The following CHD9 variants were observed in gnomAD, a reference collection of about 807,000 sequenced individuals.
The protein encoded by CHD9 is chromodomain helicase DNA binding protein 9.
A neutral mutation model predicts 316.1 loss-of-function variants in CHD9; 77 were observed. That is an observed-to-expected ratio of 0.24 (90% CI 0.20 to 0.29). The LOEUF (loss-of-function observed/expected upper bound fraction) is 0.29. Among genes scored for constraint, CHD9 ranks in the 10% least tolerant of loss-of-function variants. The pLI is 1.00. For missense variants in CHD9, 2,763 were observed against 3,438.1 expected (o/e 0.80, Z 4.91); for synonymous variants, 1,129 against 1,158.3 (o/e 0.97, Z 0.51).
intron 1 of CHD9, among the ~76,000 whole-genome samples, chr16:53,098,871 C>T (rs1005312671): frequency 6.6e-6 from 1 of 152,198 alleles, no homozygotes; most frequent in Non-Finnish European, 1.5e-5. Context: ...CAAGAACCGT[C>T]GCTCCTAGTC....
chr16:53,277,483 A>G (rs2052964221), intron 24 of CHD9, among the ~76,000 whole-genome samples: 3 of 152,156 alleles, frequency 2.0e-5, no homozygotes, highest in Admixed American at 2.0e-4. Context: ...ACATAAACAG[A>G]ATTAAAAACA....
chr16:53,198,119 G>A lies in CHD9; in HGVS notation c.1453-11363G>A, dbSNP rs142192951. On this transcript the variant is annotated intron_variant, in intron 2 of 38. Transcript: ENST00000447540. ...TTTCCATCTTTAGAGCCTTCCAAAA[G>A]CAATATGAACAGAGTGTTTGGGAGG... is the stretch of plus-strand genomic sequence containing the variant. Among the ~76,000 whole-genome samples, 38 of 152,068 alleles carry A rather than the reference G, an allele frequency of 2.5e-4. No homozygotes were observed. The East Asian group carries it at 7.2e-3, about 29-fold the overall frequency.
At chr16:53,155,843 C>T (rs1207389466) in intron 1 of CHD9, 83 bp from the exon 2 acceptor site, 5 of 444,606 alleles carry the variant, frequency 1.1e-5, no homozygotes, top group Non-Finnish European at 2.0e-5. Context: ...TTTCACTTAG[C>T]ATAATGTTTT....
intron 29 of CHD9, among the ~76,000 whole-genome samples, chr16:53,295,371 T>A (rs923792193): frequency 2.0e-5 from 3 of 152,174 alleles, no homozygotes. Flanking sequence ...AAGTGGTCCG[T>A]CTGCCTCAGC....
At chr16:53,269,246 G>T (rs924249763) in intron 22 of CHD9, among the ~76,000 whole-genome samples, 2 of 151,788 alleles carry the variant, frequency 1.3e-5, no homozygotes, top group South Asian at 4.1e-4. Context: ...TTATTTTATA[G>T]CATAAAATAA....
intron 3 of CHD9, among the ~76,000 whole-genome samples, chr16:53,217,768 A>T (rs575026330): frequency 1.3e-5 from 2 of 151,504 alleles, no homozygotes; most frequent in African/African-American, 2.4e-5. Flanking sequence ...CATTTTATTT[A>T]AAAAAAAATT....
chr16:53,168,154 C>T (rs142242443), intron 2 of CHD9, among the ~76,000 whole-genome samples: 437 of 152,076 alleles, frequency 2.9e-3, no homozygotes, highest in Non-Finnish European at 4.9e-3. Context: ...CTCCGCCTCC[C>T]GGGTTCGAAC....
intron 1 of CHD9, among the ~76,000 whole-genome samples, chr16:53,143,428 C>T (rs929798328): frequency 6.0e-5 from 9 of 150,236 alleles, no homozygotes; most frequent in Non-Finnish European, 7.4e-5. Flanking sequence ...CGCTCTGTCG[C>T]CCAGGCTGGA....
At position 53,317,177 on chromosome 16, in the gene CHD9, A is replaced by G. The variant is rs568637895; in HGVS notation, c.7585-1035A>G. On this transcript the variant is annotated intron_variant, in intron 36 of 38. Coordinates refer to ENST00000447540, the MANE Select transcript of CHD9 (RefSeq NM_001308319.2). ...AAACTCCATCTCAAAAAAAAAAAAAAAAAAGAAAAGAGGATAGGACTGTAA... is the reference window on the plus strand; with the variant it reads ...AAACTCCATCTCAAAAAAAAAAAAAGAAAAGAAAAGAGGATAGGACTGTAA... 2.5e-4 allele frequency among the ~76,000 whole-genome samples: 38 copies of G among 151,806 alleles called. 1 individual carries two copies. The South Asian group carries it at 5.9e-3, about 23-fold the overall frequency.
chr16:53,228,616 C>T (rs8063621), intron 7 of CHD9, among the ~76,000 whole-genome samples: 4,822 of 147,660 alleles, frequency 0.033, 97 homozygotes, highest in Middle Eastern at 0.07. Flanking sequence ...GGCGCAATCT[C>T]GGCTCACTGC....
intron 2 of CHD9, among the ~76,000 whole-genome samples, chr16:53,175,634 T>C (rs1410932762): frequency 6.6e-6 from 1 of 152,210 alleles, no homozygotes; most frequent in Non-Finnish European, 1.5e-5. Context: ...TAAGCATCTT[T>C]ATAGATACAT....
chr16:53,293,654 ATGAAT>A (rs1436392218), intron 29 of CHD9, among the ~76,000 whole-genome samples: 1 of 151,846 alleles, frequency 6.6e-6, no homozygotes, highest in Non-Finnish European at 1.5e-5. Context: ...GAGCAAACTC[ATGAAT>A]TGAATCACTG....
rs371001611 is a variant in CHD9 at position 53,197,050 on chromosome 16, T to C, written c.1453-12432T>C. ...CCATTCCACTCCTTTCACTCCCAAC[T>C]AAGTGTTGAGATGGATTACTGTGAT... On this transcript the variant is annotated intron_variant, in intron 2 of 38. Transcript: ENST00000447540. Among the ~76,000 whole-genome samples, 434 of 152,262 alleles carry C rather than the reference T, an allele frequency of 2.9e-3. 1 individual carries two copies. The highest frequency in any genetic ancestry group is 4.5e-3 in the Non-Finnish European group (308 of 68,014).
At chr16:53,323,986 G>C in intron 38 of CHD9, 34 bp from the exon 39 acceptor site, 1 of 1,510,364 alleles carries the variant, frequency 6.6e-7, no homozygotes, top group Non-Finnish European at 9.0e-7. Context: ...TTATTTTCAT[G>C]TAGGGATTAT....
intron 3 of CHD9, among the ~76,000 whole-genome samples, chr16:53,213,620 A>G (rs899108268): frequency 6.6e-6 from 1 of 152,224 alleles, no homozygotes; most frequent in Non-Finnish European, 1.5e-5. Context: ...GATGAATTTT[A>G]CTGATTTATT....
intron 2 of CHD9, among the ~76,000 whole-genome samples, chr16:53,209,140 G>T (rs1013886303): frequency 3.4e-4 from 51 of 152,074 alleles, no homozygotes; most frequent in African/African-American, 1.2e-3. Flanking sequence ...GAAGAGGAAA[G>T]AAAAGACTTT....
At chr16:53,320,412 C>T (rs544795690) in intron 37 of CHD9, among the ~76,000 whole-genome samples, 152 of 152,178 alleles carry the variant, frequency 1.0e-3, no homozygotes, top group African/African-American at 3.4e-3. Flanking sequence ...ATCCCAGCTA[C>T]TCAGGAGGCT....
intron 2 of CHD9, among the ~76,000 whole-genome samples, chr16:53,176,593 T>C (rs1159980027): frequency 6.6e-6 from 1 of 152,212 alleles, no homozygotes; most frequent in African/African-American, 2.4e-5. Context: ...AGGGACTGAT[T>C]TATGACTTTA....
chr16:53,111,372 G>A (rs1311649716), intron 1 of CHD9, among the ~76,000 whole-genome samples: 1 of 152,112 alleles, frequency 6.6e-6, no homozygotes, highest in Admixed American at 6.6e-5. Context: ...TTACATCTCA[G>A]GGTTCTTCTG....
Sources: gnomAD v4.1 joint callset for allele counts (sites outside exome capture counted in the v4.1 genomes callset) on GRCh38, gnomAD v4.1.1 for gene constraint, MANE v1.5 for transcripts, NCBI Gene and HGNC (gene_info 2026-07-23, HGNC 2026-07-21) for gene names.